The following PCDHGC3 variants were observed in gnomAD, a reference collection of about 807,000 sequenced individuals.
PCDHGC3 encodes the protein protocadherin gamma subfamily C, 3, also known as protocadherin gamma-C3.
Under a neutral mutation model 59.2 loss-of-function variants are expected in PCDHGC3, and 26 were observed. The observed-to-expected ratio is 0.44, with a 90% CI of 0.32 to 0.61. The LOEUF is 0.61. Ranked by LOEUF, PCDHGC3 falls within the 20% of genes least tolerant of loss-of-function variation. PCDHGC3 has a pLI of 0.05. For synonymous variants in PCDHGC3, 487 were observed against 519.7 expected, an observed-to-expected ratio of 0.94 and a Z score of 0.86; for missense variants, 1,080 against 1,221.8, an observed-to-expected ratio of 0.88 and a Z score of 1.73.
rs556484142 is a variant in PCDHGC3 at position 141,503,243 on chromosome 5, CA to C, written c.2490-2149del. On this transcript the variant is annotated intron_variant, in intron 2 of 3. Coordinates refer to ENST00000308177, the MANE Select transcript of PCDHGC3 (RefSeq NM_002588.4). ...CACCGTAAAGATGGACAGTTTCTAT[CA>C]TACTCACAGCCACAACCCCAGCACC... Among the ~76,000 whole-genome samples, 232 of 152,196 alleles carry C rather than the reference CA, an allele frequency of 1.5e-3. 2 individuals carry two copies. Among genetic ancestry groups the C allele is most frequent in the African/African-American group, 5.3e-3 (219 of 41,516 alleles).
intron 2 of PCDHGC3, 141 bp downstream of exon 2, chr5:141,495,006 G>A (rs1030195663): frequency 1.3e-6 from 2 of 1,521,564 alleles, no homozygotes; most frequent in Non-Finnish European, 1.8e-6. Flanking sequence ...CTTGGTGTGC[G>A]GGGGGCTGGC....
At chr5:141,500,866 A>G (rs576713520) in intron 2 of PCDHGC3, among the ~76,000 whole-genome samples, 19 of 146,112 alleles carry the variant, frequency 1.3e-4, no homozygotes, top group South Asian at 4.3e-4. Context: ...AAACATACAC[A>G]TTCATTTACA....
intron 1 of PCDHGC3, among the ~76,000 whole-genome samples, chr5:141,482,385 A>T (rs1238551737): frequency 6.6e-6 from 1 of 152,210 alleles, no homozygotes; most frequent in Non-Finnish European, 1.5e-5. Context: ...AAGTCCCTGT[A>T]TGGAGCAAGT....
intron 2 of PCDHGC3, among the ~76,000 whole-genome samples, chr5:141,503,010 A>ATT (rs199924715): frequency 4.8e-5 from 7 of 146,772 alleles, no homozygotes; most frequent in East Asian, 2.0e-4. Context: ...TGCCCGGTTA[A>ATT]TTTTTTTTTT....
chr5:141,485,177 C>T lies in PCDHGC3; in HGVS notation c.2430+6631C>T. ...AGAGAATTAGCGGGCGGCAGCAATG[C>T]TCCGCAAGGTGAGAAGCTGGACAGA... On this transcript the variant is annotated intron_variant, in intron 1 of 3. Coordinates refer to ENST00000308177, the MANE Select transcript of PCDHGC3 (RefSeq NM_002588.4). This position sits in a 1 kb window ranked among gnomAD's most constrained non-coding sequence, Gnocchi z 5.7. 1 of 1,612,024 alleles carries T rather than the reference C, an allele frequency of 6.2e-7. No homozygotes were observed. Among genetic ancestry groups the T allele is most frequent in the South Asian group, 1.1e-5 (1 of 90,956 alleles).
intron 1 of PCDHGC3, among the ~76,000 whole-genome samples, chr5:141,488,117 G>A (rs1231303931): frequency 6.6e-6 from 1 of 152,190 alleles, no homozygotes; most frequent in African/African-American, 2.4e-5. Flanking sequence ...GAAACATAGA[G>A]ACAGCAGAAA....
At position 141,511,426 on chromosome 5, in the gene PCDHGC3, G is replaced by C. The variant is rs2099883789; in HGVS notation, c.*253G>C. 2.5e-6 allele frequency: 2 copies of C among 798,652 alleles called. No homozygotes were observed. The highest frequency in any genetic ancestry group is 3.8e-6 in the Non-Finnish European group (2 of 529,972). 49.5% of individuals were successfully genotyped at this position (798,652 alleles called of 1,614,324 possible). ...CAACTGCTGTACCCATGGGGGTAGTGGGGTTACTGTAGACACCAAGAACCA... is the reference window on the plus strand; with the variant it reads ...CAACTGCTGTACCCATGGGGGTAGTCGGGTTACTGTAGACACCAAGAACCA... On this transcript the variant is annotated 3_prime_UTR_variant, in exon 4 of 4. Transcript: ENST00000308177.
chr5:141,511,293 G>A lies in PCDHGC3; in HGVS notation c.*120G>A, dbSNP rs1028501355. On this transcript the variant is annotated 3_prime_UTR_variant, in exon 4 of 4. Coordinates refer to ENST00000308177, the MANE Select transcript of PCDHGC3 (RefSeq NM_002588.4). ...CCCCAGAATACTGGTAGGGGCCAAG[G>A]CCATGCTCCCCTTGGGAAACAGAAA... The A allele has an allele frequency of 3.3e-6, 5 of 1,509,316 alleles. No individual in the cohort carries two copies. In the African/African-American group the frequency reaches 5.6e-5, roughly 17 times the overall value. The allele number at this position is 1,509,316 out of a possible 1,614,324, so 93.5% of individuals were successfully genotyped here.
At position 141,486,905 on chromosome 5, in the gene PCDHGC3, C is replaced by G. The variant is rs1463391292; in HGVS notation, c.2431-7902C>G. On this transcript the variant is annotated intron_variant, in intron 1 of 3. Coordinates refer to ENST00000308177, the MANE Select transcript of PCDHGC3 (RefSeq NM_002588.4). This position sits in a 1 kb window ranked among gnomAD's most constrained non-coding sequence, Gnocchi z 5.0. ...GGCCCGGCCTGGTTCCTTATGTCCC[C>G]AAGCACTGCCTCCATCAGTTGGTGC... 1 of 1,614,250 alleles carries G rather than the reference C, an allele frequency of 6.2e-7. No individual in the cohort carries two copies. The highest frequency in any genetic ancestry group is 1.3e-5 in the African/African-American group (1 of 75,066).
chr5:141,485,226 T>C lies in PCDHGC3; in HGVS notation c.2430+6680T>C. ...GAAATCTGGCGGTGGGCTACCCTTT[T>C]GTTCCTCTTTTACCACCTGGGTTAC... On this transcript the variant is annotated intron_variant, in intron 1 of 3. Transcript: ENST00000308177. The surrounding 1 kb of genome is among the most constrained non-coding windows in gnomAD (Gnocchi z 5.7). 1.9e-6 allele frequency: 3 copies of C among 1,614,170 alleles called. No homozygotes were observed. Among genetic ancestry groups the C allele is most frequent in the Non-Finnish European group, 2.5e-6 (3 of 1,180,026 alleles).
intron 2 of PCDHGC3, among the ~76,000 whole-genome samples, chr5:141,503,611 A>AG (rs992110793): frequency 6.6e-6 from 1 of 151,948 alleles, no homozygotes; most frequent in Non-Finnish European, 1.5e-5. Flanking sequence ...AAAAAAAAAA[A>AG]AAAGAAAAAA....
At chr5:141,501,841 C>T (rs2099811330) in intron 2 of PCDHGC3, among the ~76,000 whole-genome samples, 1 of 152,130 alleles carries the variant, frequency 6.6e-6, no homozygotes, top group African/African-American at 2.4e-5. Flanking sequence ...CTGTTTGGCC[C>T]TCAACCTTCA....
intron 1 of PCDHGC3, among the ~76,000 whole-genome samples, chr5:141,492,711 C>T (rs927567393): frequency 4.6e-5 from 7 of 152,254 alleles, no homozygotes; most frequent in East Asian, 3.8e-4. Flanking sequence ...AAGCCTCGAG[C>T]AGGCGGACAG....
In PCDHGC3 at chr5:141,485,089, G is replaced by C; in HGVS notation, c.2430+6543G>C. 9.7e-7 allele frequency: 1 copy of C among 1,027,236 alleles called. No individual in the cohort carries two copies. The highest frequency in any genetic ancestry group is 1.5e-6 in the Non-Finnish European group (1 of 674,564). The allele number at this position is 1,027,236 out of a possible 1,614,324, so 63.6% of individuals were successfully genotyped here. On this transcript the variant is annotated intron_variant, in intron 1 of 3. Coordinates refer to ENST00000308177, the MANE Select transcript of PCDHGC3 (RefSeq NM_002588.4). This position sits in a 1 kb window ranked among gnomAD's most constrained non-coding sequence, Gnocchi z 5.7. ...GAGCTGGCGCGGGGAAAGGGAGATA[G>C]GTGTCTCCAGCTGCTGTGGCTGTTT... is the stretch of plus-strand genomic sequence containing the variant.
chr5:141,510,833 C>T (rs2099882936), intron 3 of PCDHGC3, 114 bp from the exon 4 acceptor site: 46 of 1,577,678 alleles, frequency 2.9e-5, no homozygotes, highest in South Asian at 2.5e-4. Context: ...CAGTGCTCAG[C>T]GTGGTCAAGG....
chr5:141,486,745 C>T lies in PCDHGC3; in HGVS notation c.2431-8062C>T, dbSNP rs1167986336. On this transcript the variant is annotated intron_variant, in intron 1 of 3. Coordinates refer to ENST00000308177, the MANE Select transcript of PCDHGC3 (RefSeq NM_002588.4). This position sits in a 1 kb window ranked among gnomAD's most constrained non-coding sequence, Gnocchi z 5.0. ...CTGTTCATGCTACTCGATCCTTTGA[C>T]TATGAGCAAACCCAGACACTGCAGT... 3.1e-6 allele frequency: 5 copies of T among 1,614,226 alleles called. No homozygotes were observed. The highest frequency in any genetic ancestry group is 3.4e-6 in the Non-Finnish European group (4 of 1,180,044).
chr5:141,476,820 T>C lies in PCDHGC3; in HGVS notation c.704T>C (p.Leu235Pro), dbSNP rs368919360. 6.2e-7 allele frequency: 1 copy of C among 1,613,594 alleles called. No individual in the cohort carries two copies. Among genetic ancestry groups the C allele is most frequent in the African/African-American group, 1.3e-5 (1 of 75,066 alleles). The stretch of plus-strand genomic sequence containing the variant: ...AGCCTGCCTATTCACATCAAGGTGC[T>C]GGACGCGAATGACAATGCGCCTGTC... ...SASLPIHIKVLDANDNAPVFN... is the reference protein window; with the variant it reads ...SASLPIHIKVPDANDNAPVFN... Residue 235 changes from leucine (L) to proline (P), a missense_variant, in exon 1 of 4, where the codon CTG becomes CCG. Leu to Pro is a moderately conservative substitution (Grantham distance 98). Transcript: ENST00000308177. This position sits in a 1 kb window ranked among gnomAD's most constrained non-coding sequence, Gnocchi z 7.6.
Position 141,494,872 on chromosome 5 carries a change from G to A in PCDHGC3, c.2489+7G>A. On this transcript the variant is annotated splice_region_variant and intron_variant, in intron 2 of 3. Transcript: ENST00000308177. ...AGAGACCCGGCACCAGCGGGTAGGT[G>A]ACTGATTCTCCAGCCCACCCTCTTC... 1 of 1,614,128 alleles carries A rather than the reference G, an allele frequency of 6.2e-7. No individual in the cohort carries two copies. Among genetic ancestry groups the A allele is most frequent in the South Asian group, 1.1e-5 (1 of 91,074 alleles).
In PCDHGC3 at chr5:141,491,492, T is replaced by G. The variant is rs763487622; in HGVS notation, c.2431-3315T>G. On this transcript the variant is annotated intron_variant, in intron 1 of 3. Coordinates refer to ENST00000308177, the MANE Select transcript of PCDHGC3 (RefSeq NM_002588.4). This position sits in a 1 kb window ranked among gnomAD's most constrained non-coding sequence, Gnocchi z 6.9. ...AAGCAGTCCAGCCCCAACCTGCAGG[T>G]GAGCTCGGACGGCACGCTCAAGTAC... 3.1e-6 allele frequency: 5 copies of G among 1,614,024 alleles called. No homozygotes were observed. The highest frequency in any genetic ancestry group is 3.4e-6 in the Non-Finnish European group (4 of 1,180,006).
Sources: gnomAD v4.1 joint callset for allele counts (sites outside exome capture counted in the v4.1 genomes callset) on GRCh38, gnomAD v4.1.1 for gene constraint, Gnocchi (gnomAD v3.1) non-coding constraint, MANE v1.5 for transcripts, NCBI Gene and HGNC (gene_info 2026-07-23, HGNC 2026-07-21) for gene names.